The following TRPC4AP variants were observed in gnomAD, a reference collection of about 807,000 sequenced individuals.
TRPC4AP encodes short transient receptor potential channel 4-associated protein.
In TRPC4AP, 45 loss-of-function variants were observed where a neutral mutation model predicts 99.0. That is an observed-to-expected ratio of 0.45 (90% CI 0.36 to 0.58). The LOEUF is 0.58. Among genes scored for constraint, TRPC4AP ranks in the 20% least tolerant of loss-of-function variants. The pLI is 0.00. For missense variants in TRPC4AP, 879 were observed against 985.3 expected (o/e 0.89, Z 1.44); for synonymous variants, 408 against 385.8 (o/e 1.06, Z -0.67).
At chr20:35,005,858 T>C (rs1057412340) in intron 15 of TRPC4AP, 55 bp from the exon 16 acceptor site, 35 of 1,524,536 alleles carry the variant, frequency 2.3e-5, no homozygotes, top group African/African-American at 2.2e-4. Flanking sequence ...GGTATGGCCA[T>C]GGCCCGGGGG....
At chr20:35,058,317 A>G (rs755005680) in intron 3 of TRPC4AP, among the ~76,000 whole-genome samples, 18 of 152,360 alleles carry the variant, frequency 1.2e-4, no homozygotes, top group East Asian at 1.9e-4. Flanking sequence ...TCTAACAGAC[A>G]TCTACAGAAC....
In TRPC4AP at chr20:35,005,691, G is replaced by A; in HGVS notation, c.1936+4C>T. On this transcript the variant is annotated splice_donor_region_variant and intron_variant, in intron 16 of 18. Coordinates refer to ENST00000252015, the MANE Select transcript of TRPC4AP (RefSeq NM_015638.3). ...CTTGCCTTGACAGCCTGCCTTTCATGTACCTTTCATATCCACCTGGTTTTC... is the reference window on the plus strand; with the variant it reads ...CTTGCCTTGACAGCCTGCCTTTCATATACCTTTCATATCCACCTGGTTTTC... 1 of 1,613,684 alleles carries A rather than the reference G, an allele frequency of 6.2e-7. No individual in the cohort carries two copies. Among genetic ancestry groups the A allele is most frequent in the East Asian group, 2.2e-5 (1 of 44,874 alleles).
At chr20:35,008,837 A>G in intron 12 of TRPC4AP, 90 bp from the exon 13 acceptor site, 3 of 1,199,452 alleles carry the variant, frequency 2.5e-6, no homozygotes, top group Non-Finnish European at 3.6e-6. Context: ...GCGGTGAAAA[A>G]CCATGGGGAC....
At chr20:35,046,253 GAA>G (rs2083560200) in intron 6 of TRPC4AP, among the ~76,000 whole-genome samples, 1 of 151,946 alleles carries the variant, frequency 6.6e-6, no homozygotes, top group Non-Finnish European at 1.5e-5. Flanking sequence ...CTTTTATTAA[GAA>G]TGATAATTTT....
rs970822375 is a variant in TRPC4AP at position 35,003,342 on chromosome 20, G to A, written c.2257-59C>T. 85 of 1,613,312 alleles carry A rather than the reference G, an allele frequency of 5.3e-5. No homozygotes were observed. The South Asian group carries it at 5.4e-4, about 10-fold the overall frequency. ...GAGGACCCAGGTCAAGCCCAGCACC[G>A]GGACACCCCTCTGAGAGGCCCTGGG... On this transcript the variant is annotated intron_variant, in intron 18 of 18. Coordinates refer to ENST00000252015, the MANE Select transcript of TRPC4AP (RefSeq NM_015638.3).
chr20:35,059,708 A>AATAAG, intron 3 of TRPC4AP, among the ~76,000 whole-genome samples: 1 of 140,174 alleles, frequency 7.1e-6, no homozygotes, highest in South Asian at 2.3e-4. Context: ...AAGAAGAAGA[A>AATAAG]ATAAGAAGAA....
intron 3 of TRPC4AP, among the ~76,000 whole-genome samples, chr20:35,066,383 A>G (rs1452772406): frequency 6.6e-6 from 1 of 152,200 alleles, no homozygotes; most frequent in Non-Finnish European, 1.5e-5. Flanking sequence ...CTGGGATTAC[A>G]GGCATGAGTC....
chr20:35,053,169 A>T (rs986864136), intron 5 of TRPC4AP, among the ~76,000 whole-genome samples: 2 of 152,228 alleles, frequency 1.3e-5, no homozygotes. Context: ...ATCAGCTTAA[A>T]TACTTGTCTT....
In TRPC4AP at chr20:35,010,198, G is replaced by A; in HGVS notation, c.1500C>T (p.Leu500=). ...KANIPEVEAV[L]NTDRSLVCDG... Reference sequence around the variant, plus strand: ...ACCCCTGCACTCACCTGTCGGTGTTGAGGACAGCTTCCACCTCAGGGATGT... The same window carrying A: ...ACCCCTGCACTCACCTGTCGGTGTTAAGGACAGCTTCCACCTCAGGGATGT... Residue 500 remains leucine, a synonymous_variant, in exon 12 of 19, where the codon CTC becomes CTT. Coordinates refer to ENST00000252015, the MANE Select transcript of TRPC4AP (RefSeq NM_015638.3). 6.2e-7 allele frequency: 1 copy of A among 1,614,112 alleles called. No individual in the cohort carries two copies. Among genetic ancestry groups the A allele is most frequent in the Non-Finnish European group, 8.5e-7 (1 of 1,180,014 alleles).
intron 9 of TRPC4AP, among the ~76,000 whole-genome samples, chr20:35,020,411 A>G (rs1006968489): frequency 1.3e-5 from 2 of 152,000 alleles, no homozygotes; most frequent in Non-Finnish European, 2.9e-5. Flanking sequence ...GCGCTGCCTC[A>G]CTGTTCCAGC....
At chr20:35,010,053 C>G (rs1449705257) in intron 12 of TRPC4AP, 134 bp downstream of exon 12, 3 of 673,026 alleles carry the variant, frequency 4.5e-6, no homozygotes, top group African/African-American at 1.8e-5. Context: ...GCCTGGCACA[C>G]AGGAGCCCTC....
chr20:35,026,129 T>C (rs1264656567), intron 8 of TRPC4AP, among the ~76,000 whole-genome samples: 2 of 152,188 alleles, frequency 1.3e-5, no homozygotes, highest in Non-Finnish European at 2.9e-5. Flanking sequence ...AATATTCCAT[T>C]GATCAATATG....
intron 10 of TRPC4AP, among the ~76,000 whole-genome samples, chr20:35,013,993 G>C (rs1209757964): frequency 6.6e-6 from 1 of 152,192 alleles, no homozygotes. Context: ...CCCTGGGACA[G>C]CTGCCAGACA....
chr20:35,090,394 T>TTTTTTTTTTTTA (rs2085022414), intron 1 of TRPC4AP, among the ~76,000 whole-genome samples: 2 of 147,412 alleles, frequency 1.4e-5, no homozygotes, highest in African/African-American at 5.0e-5. Flanking sequence ...TTTTTTTTTT[T>TTTTTTTTTTTTA]GAGATGAAGT....
Position 35,013,051 on chromosome 20 carries a change from T to C in TRPC4AP, c.1366A>G (p.Ile456Val), listed in dbSNP as rs369971393. The C allele has an allele frequency of 3.7e-6, 6 of 1,613,958 alleles. No individual in the cohort carries two copies. The African/African-American group carries it at 8.0e-5, about 22-fold the overall frequency. Residue 456 changes from isoleucine to valine, a missense_variant, in exon 11 of 19, where the codon ATA becomes GTA. This residue lies in a region of TRPC4AP where 603 missense variants were observed against 631.8 expected (regional missense o/e 0.95). Coordinates refer to ENST00000252015, the MANE Select transcript of TRPC4AP (RefSeq NM_015638.3). ...CTCTGAAGAAGCCTCAAAAACTGTA[T>C]CTTCAAGGTGATGTCCTGAAACACA... ...CDCSPDITLK[I>V]QFLRLLQSFS...
intron 3 of TRPC4AP, among the ~76,000 whole-genome samples, chr20:35,068,984 A>AAAAAC (rs144241228): frequency 0.12 from 16,771 of 137,362 alleles, 1,235 homozygotes; most frequent in Middle Eastern, 0.22. Context: ...CACACAAAAA[A>AAAAAC]AACAAAACAT....
intron 3 of TRPC4AP, among the ~76,000 whole-genome samples, chr20:35,059,700 G>T (rs114007205): frequency 0.085 from 12,273 of 143,982 alleles, 582 homozygotes; most frequent in South Asian, 0.14. Context: ...GAAGAAGAAA[G>T]AAGAAGAAAT....
intron 3 of TRPC4AP, among the ~76,000 whole-genome samples, chr20:35,062,719 A>C (rs2084038135): frequency 1.3e-5 from 2 of 152,168 alleles, no homozygotes; most frequent in African/African-American, 4.8e-5. Flanking sequence ...CTACTGAAGA[A>C]TATGGTGTTT....
chr20:35,043,730 T>C (rs1462388958), intron 7 of TRPC4AP, among the ~76,000 whole-genome samples: 1 of 152,204 alleles, frequency 6.6e-6, no homozygotes, highest in Non-Finnish European at 1.5e-5. Context: ...AATGATAAAA[T>C]AGAACAATTG....
Sources: allele counts gnomAD v4.1 joint callset (sites outside exome capture counted in the v4.1 genomes callset), GRCh38; gene constraint gnomAD v4.1.1; regional missense constraint gnomAD v4.1.1; transcripts MANE v1.5; gene names NCBI Gene and HGNC (gene_info 2026-07-23, HGNC 2026-07-21).